Variants in NOL4 observed in about 807,000 individuals in gnomAD.
NOL4 encodes cancer/testis antigen 125.
A neutral mutation model predicts 75.9 loss-of-function variants in NOL4; 17 were observed. That is an observed-to-expected ratio of 0.22 (90% confidence interval 0.15 to 0.34). The LOEUF (loss-of-function observed/expected upper bound fraction) is 0.34. Ranked by LOEUF, NOL4 falls within the 10% of genes least tolerant of loss-of-function variation. The pLI is 1.00. For missense variants in NOL4, 614 were observed against 793.5 expected, an observed-to-expected ratio of 0.77 and a Z score of 2.72; for synonymous variants, 292 against 289.9, an observed-to-expected ratio of 1.01 and a Z score of -0.07.
At chr18:33,865,499 C>A (rs551058904) in intron 10 of NOL4, among the ~76,000 whole-genome samples, 2 of 152,108 alleles carry the variant, frequency 1.3e-5, no homozygotes, top group African/African-American at 2.4e-5. Context: ...ATGTCATACA[C>A]CCTCACATAA....
intron 5 of NOL4, chr18:34,023,545 C>T (rs2075162206): frequency 2.2e-6 from 1 of 454,346 alleles, no homozygotes; most frequent in Admixed American, 2.4e-5. Context: ...TGGTTCTTCT[C>T]TCAAGGTTTC....
chr18:34,179,362 T>G (rs137977730), intron 1 of NOL4, among the ~76,000 whole-genome samples: 1 of 151,026 alleles, frequency 6.6e-6, no homozygotes, highest in Non-Finnish European at 1.5e-5. Flanking sequence ...GTGATTATAG[T>G]AGAAATAAAT....
intron 10 of NOL4, among the ~76,000 whole-genome samples, chr18:33,867,129 A>G (rs1418978163): frequency 6.6e-6 from 1 of 152,170 alleles, no homozygotes; most frequent in Non-Finnish European, 1.5e-5. Flanking sequence ...ACTTGTAAAT[A>G]CCGTAGGGGG....
intron 6 of NOL4, among the ~76,000 whole-genome samples, chr18:33,973,510 G>A (rs2071240676): frequency 6.6e-6 from 1 of 152,136 alleles, no homozygotes; most frequent in Non-Finnish European, 1.5e-5. Context: ...CTTTCCGGAA[G>A]GTTTTCAATT....
chr18:34,158,216 G>C (rs920159778), intron 1 of NOL4, among the ~76,000 whole-genome samples: 1 of 152,040 alleles, frequency 6.6e-6, no homozygotes, highest in Non-Finnish European at 1.5e-5. Context: ...TGAGAGCAAG[G>C]GGTTGTGACC....
chr18:34,126,358 C>T (rs1235168027), intron 2 of NOL4, among the ~76,000 whole-genome samples: 3 of 152,118 alleles, frequency 2.0e-5, no homozygotes, highest in African/African-American at 7.2e-5. Context: ...TTAGCTATAG[C>T]ATATGTTCTC....
chr18:33,910,023 C>T (rs769072007), intron 9 of NOL4, among the ~76,000 whole-genome samples: 2 of 152,214 alleles, frequency 1.3e-5, no homozygotes, highest in Admixed American at 6.5e-5. Context: ...TGCATGTGTG[C>T]GTGTACATAT....
chr18:33,957,184 A>T (rs1029931451), intron 8 of NOL4, 142 bp downstream of exon 8: 2 of 601,192 alleles, frequency 3.3e-6, no homozygotes, highest in Non-Finnish European at 5.6e-6. Context: ...AGGGGAAAAA[A>T]CAAACGAGCA....
intron 9 of NOL4, among the ~76,000 whole-genome samples, chr18:33,916,252 T>C (rs1310688338): frequency 2.0e-5 from 3 of 152,186 alleles, no homozygotes; most frequent in African/African-American, 7.2e-5. Flanking sequence ...TCATGAGTTC[T>C]AAATAAATGA....
At chr18:33,937,025 A>G (rs2068103177) in intron 9 of NOL4, among the ~76,000 whole-genome samples, 2 of 152,092 alleles carry the variant, frequency 1.3e-5, no homozygotes, top group South Asian at 4.1e-4. Context: ...ATTTTGAGCT[A>G]TGTCATAGAA....
chr18:33,994,291 A>G (rs945273554), intron 6 of NOL4, among the ~76,000 whole-genome samples: 3 of 151,868 alleles, frequency 2.0e-5, no homozygotes, highest in Non-Finnish European at 4.4e-5. Context: ...TAAAAACAAC[A>G]TTATACTCCA....
At chr18:34,220,155 A>T (rs971730645) in intron 1 of NOL4, among the ~76,000 whole-genome samples, 1 of 152,222 alleles carries the variant, frequency 6.6e-6, no homozygotes, top group Admixed American at 6.5e-5. Flanking sequence ...ACTTAAAGAT[A>T]GTCTTGTTTC....
intron 10 of NOL4, among the ~76,000 whole-genome samples, chr18:33,866,750 G>A (rs951658721): frequency 1.1e-4 from 16 of 151,960 alleles, no homozygotes; most frequent in Admixed American, 9.2e-4. Flanking sequence ...TTGGCTTCTG[G>A]GAAAAGATAC....
chr18:34,073,204 T>A (rs1269315934), intron 5 of NOL4, among the ~76,000 whole-genome samples: 1 of 151,762 alleles, frequency 6.6e-6, no homozygotes, highest in Non-Finnish European at 1.5e-5. Flanking sequence ...AAAAGAAAAA[T>A]ACATCAATTA....
At chr18:33,999,097 A>G (rs1266153669) in intron 6 of NOL4, among the ~76,000 whole-genome samples, 1 of 151,232 alleles carries the variant, frequency 6.6e-6, no homozygotes, top group Non-Finnish European at 1.5e-5. Flanking sequence ...TCAGAGAAGT[A>G]GGTGTATTGT....
chr18:34,152,373 C>A (rs1364627824), intron 1 of NOL4, among the ~76,000 whole-genome samples: 1 of 151,782 alleles, frequency 6.6e-6, no homozygotes, highest in African/African-American at 2.4e-5. Flanking sequence ...TAGACATGAC[C>A]AGGTGATGTG....
chr18:33,988,467 C>T (rs900692706), intron 6 of NOL4, among the ~76,000 whole-genome samples: 1 of 152,038 alleles, frequency 6.6e-6, no homozygotes, highest in African/African-American at 2.4e-5. Context: ...CTATGAAACC[C>T]TGTTCATGTA....
At chr18:34,121,652 T>C (rs1035541882) in intron 2 of NOL4, among the ~76,000 whole-genome samples, 3 of 152,200 alleles carry the variant, frequency 2.0e-5, no homozygotes, top group Admixed American at 6.5e-5. Flanking sequence ...CAGTGCACTA[T>C]GGTTGCAGAA....
At chr18:33,884,943 C>A (rs895809344) in intron 9 of NOL4, among the ~76,000 whole-genome samples, 1 of 152,046 alleles carries the variant, frequency 6.6e-6, no homozygotes, top group Non-Finnish European at 1.5e-5. Flanking sequence ...ATCTAACTGA[C>A]CCATTCAACT....
Sources: allele counts gnomAD v4.1 joint callset (sites outside exome capture counted in the v4.1 genomes callset), GRCh38; gene constraint gnomAD v4.1.1; transcripts MANE v1.5; gene names NCBI Gene and HGNC (gene_info 2026-07-23, HGNC 2026-07-21).